Variants in HSP90AA1 observed in about 807,000 individuals in gnomAD.
HSP90AA1 encodes heat shock protein 90 alpha family class A member 1, also known as heat shock protein HSP 90-alpha.
HSP90AA1 carries 18 observed loss-of-function variants against 73.3 expected under a neutral mutation model. That is an observed-to-expected ratio of 0.25 (90% CI 0.17 to 0.36). The LOEUF is 0.36. HSP90AA1 is among the 10% of genes least tolerant of loss of function. The pLI is 1.00. For missense variants in HSP90AA1, 704 were observed against 874.2 expected, an observed-to-expected ratio of 0.81 and a Z score of 2.45; for synonymous variants, 477 against 296.9, an observed-to-expected ratio of 1.61 and a Z score of -6.24.
rs2049767345 is a variant in HSP90AA1, at chr14:102,120,831, A to G, written c.155+18419T>C. ...TGGGCGCCTATAATCCCAGCTACTC[A>G]GGAGGCAGAGGCAGGAGGATCGCTT... On this transcript the variant is annotated intron_variant, in intron 1 of 11. Transcript: ENST00000334701. Among the ~76,000 whole-genome samples, 3 of 151,670 alleles carry G rather than the reference A, an allele frequency of 2.0e-5. No homozygotes were observed. The South Asian group carries it at 6.3e-4, about 32-fold the overall frequency.
At chr14:102,116,925 C>G (rs566724192) in intron 1 of HSP90AA1, among the ~76,000 whole-genome samples, 1 of 152,296 alleles carries the variant, frequency 6.6e-6, no homozygotes, top group Non-Finnish European at 1.5e-5. Context: ...CTGGGCATCT[C>G]TGCACTCTGT....
Position 102,083,660 on chromosome 14 carries a change from T to G in HSP90AA1, c.1372A>C (p.Lys458Gln), listed in dbSNP as rs1566718749. 1.9e-6 allele frequency: 3 copies of G among 1,613,716 alleles called. No homozygotes were observed. Among genetic ancestry groups the G allele is most frequent in the Non-Finnish European group, 2.5e-6 (3 of 1,179,726 alleles). ...GIHEDSQNRKKLSELLRYYTS... is the reference protein window; with the variant it reads ...GIHEDSQNRKQLSELLRYYTS... ...TAGTACCTTAACAGCTCTGAAAGCT[T>G]CTTCCGATTTTGAGAGTCTTCGTGT... Residue 458 changes from lysine (K) to glutamine (Q), a missense_variant, in exon 8 of 11, where the codon AAG becomes CAG. By Grantham distance (53) the Lys-to-Gln change is moderately conservative. Coordinates refer to ENST00000216281, the MANE Select transcript of HSP90AA1 (RefSeq NM_005348.4).
intron 1 of HSP90AA1, among the ~76,000 whole-genome samples, chr14:102,130,152 G>C (rs2049890821): frequency 6.6e-6 from 1 of 151,846 alleles, no homozygotes; most frequent in Non-Finnish European, 1.5e-5. Flanking sequence ...TGTATTTTTA[G>C]TACAGACGCA....
intron 1 of HSP90AA1, among the ~76,000 whole-genome samples, chr14:102,119,607 C>A (rs1195625897): frequency 6.6e-6 from 1 of 152,048 alleles, no homozygotes; most frequent in Admixed American, 6.6e-5. Context: ...TCCTGCCTCA[C>A]CCTCCGGAGT....
Position 102,092,378 on chromosome 14 carries a change from T to C in HSP90AA1, c.367-6000A>G, listed in dbSNP as rs182376157. Among the ~76,000 whole-genome samples the C allele has an allele frequency of 2.4e-3, 368 of 152,298 alleles. 9 individuals are homozygous for C. The highest frequency in any genetic ancestry group is 0.022 in the Admixed American group (332 of 15,288). On this transcript the variant is annotated intron_variant, in intron 2 of 11. Coordinates refer to the HSP90AA1 transcript ENST00000334701. ...GAGCCACCATGCTATTATTGATTTCTAATATTTAATTCCATTGTGGTCAGA... is the reference window on the plus strand; with the variant it reads ...GAGCCACCATGCTATTATTGATTTCCAATATTTAATTCCATTGTGGTCAGA...
At chr14:102,112,141 C>T (rs2049649732) in intron 1 of HSP90AA1, among the ~76,000 whole-genome samples, 1 of 152,096 alleles carries the variant, frequency 6.6e-6, no homozygotes, top group Non-Finnish European at 1.5e-5. Context: ...GGAGTTTGGA[C>T]CTCTTAGATT....
chr14:102,086,615 G>A (rs2049244140), intron 1 of HSP90AA1, among the ~76,000 whole-genome samples: 1 of 151,518 alleles, frequency 6.6e-6, no homozygotes, highest in African/African-American at 2.4e-5. Flanking sequence ...CCCCCGCCGC[G>A]GTCCCCAACG....
At chr14:102,106,226 A>G (rs1334653592) in intron 1 of HSP90AA1, among the ~76,000 whole-genome samples, 1 of 152,164 alleles carries the variant, frequency 6.6e-6, no homozygotes, top group East Asian at 1.9e-4. Context: ...TTCTCAATCA[A>G]TGGTTCTTGA....
intron 2 of HSP90AA1, among the ~76,000 whole-genome samples, chr14:102,093,433 C>G (rs193088033): frequency 6.7e-6 from 1 of 148,550 alleles, no homozygotes; most frequent in Non-Finnish European, 1.5e-5. Flanking sequence ...CGCTTAAACC[C>G]GAGAGCACAC....
chr14:102,088,477 C>T (rs936548878), upstream of HSP90AA1, among the ~76,000 whole-genome samples: 5 of 152,228 alleles, frequency 3.3e-5, no homozygotes, highest in African/African-American at 1.2e-4. Flanking sequence ...CGGCCTGGGA[C>T]CCCCTTAAGA....
At chr14:102,126,683 C>A (rs1406110006) in intron 1 of HSP90AA1, among the ~76,000 whole-genome samples, 1 of 152,112 alleles carries the variant, frequency 6.6e-6, no homozygotes, top group Non-Finnish European at 1.5e-5. Flanking sequence ...CGCCACCACG[C>A]CCGGCTAACT....
chr14:102,125,628 G>A (rs941082103), intron 1 of HSP90AA1, among the ~76,000 whole-genome samples: 6 of 152,108 alleles, frequency 3.9e-5, no homozygotes, highest in African/African-American at 2.4e-5. Context: ...GAAAGCATGA[G>A]TAATGTGACC....
At chr14:102,139,725 G>T (rs1302068463), upstream of HSP90AA1, 5 of 808,570 alleles carry the variant, frequency 6.2e-6, no homozygotes, top group East Asian at 5.4e-5. Context: ...GGTGGAGCAC[G>T]CCAGGTGAGC....
chr14:102,087,305 T>G, upstream of HSP90AA1: 1 of 355,290 alleles, frequency 2.8e-6, no homozygotes, highest in East Asian at 1.7e-4. Context: ...CCGGCCTCAA[T>G]GCGCCTGCGC....
At chr14:102,095,109 A>T (rs981774968) in intron 2 of HSP90AA1, among the ~76,000 whole-genome samples, 1 of 152,140 alleles carries the variant, frequency 6.6e-6, no homozygotes, top group Admixed American at 6.5e-5. Context: ...ATCCACGTGG[A>T]TGGGCCTCCA....
intron 2 of HSP90AA1, among the ~76,000 whole-genome samples, chr14:102,093,338 G>A (rs2049383737): frequency 6.6e-6 from 1 of 151,312 alleles, no homozygotes; most frequent in African/African-American, 2.4e-5. Flanking sequence ...GTGAAACGCT[G>A]TCTCTACTAA....
rs1259179287 is a variant in HSP90AA1 at position 102,081,380 on chromosome 14, T to TA, written c.*331dup. On this transcript the variant is annotated 3_prime_UTR_variant, in exon 11 of 11. Transcript: ENST00000216281. ...CAAGATACAGCTCAGAACACTTCAA[T>TA]AACAAGATTTGGTCTACTTAGGCAT... 1.8e-5 allele frequency: 8 copies of TA among 443,178 alleles called. No homozygotes were observed. Among genetic ancestry groups the TA allele is most frequent in the Non-Finnish European group, 3.3e-5 (8 of 242,804 alleles). 27.5% of individuals were successfully genotyped at this position (443,178 alleles called of 1,614,324 possible).
chr14:102,135,915 G>A (rs906576603), intron 1 of HSP90AA1, among the ~76,000 whole-genome samples: 6 of 152,226 alleles, frequency 3.9e-5, no homozygotes, highest in African/African-American at 9.6e-5. Flanking sequence ...CCTGCAAGCT[G>A]AGGGAGTGGG....
exon 1 of HSP90AA1, chr14:102,139,383 C>T: frequency 1.9e-6 from 3 of 1,585,280 alleles, no homozygotes; most frequent in Non-Finnish European, 2.6e-6. Flanking sequence ...GTGGAGCCGT[C>T]CCCGCCCGAA....
Sources: allele counts gnomAD v4.1 joint callset (sites outside exome capture counted in the v4.1 genomes callset), GRCh38; gene constraint gnomAD v4.1.1; transcripts MANE v1.5; gene names NCBI Gene and HGNC (gene_info 2026-07-23, HGNC 2026-07-21).